The following WFS1 variants were observed in gnomAD, a reference collection of about 807,000 sequenced individuals.
WFS1 encodes the protein wolframin.
Under a neutral mutation model 68.5 loss-of-function variants are expected in WFS1, and 90 were observed. The ratio of observed to expected loss-of-function variants is 1.31; its 90% CI spans 1.11 to 1.56. The LOEUF is 1.56. Ranked by LOEUF, WFS1 falls within the 40% of genes most tolerant of loss-of-function variation. WFS1 has a pLI of 0.00. For synonymous variants in WFS1, 860 were observed against 540.7 expected, an observed-to-expected ratio of 1.59 and a Z score of -8.19; for missense variants, 1,767 against 1,232.6, an observed-to-expected ratio of 1.43 and a Z score of -6.49.
intron 2 of WFS1, among the ~76,000 whole-genome samples, chr4:6,280,833 G>T (rs1730140620): frequency 6.6e-6 from 1 of 152,184 alleles, no homozygotes; most frequent in African/African-American, 2.4e-5. Flanking sequence ...GTAGGACAAG[G>T]CCTGGGGTTG....
chr4:6,294,960 G>A (rs773845228), intron 6 of WFS1, 81 bp from the exon 7 acceptor site: 101 of 1,606,214 alleles, frequency 6.3e-5, no homozygotes, highest in African/African-American at 2.3e-4. Context: ...CCACGCCACC[G>A]TCCCCAGCCC....
chr4:6,286,998 G>A lies in WFS1; in HGVS notation c.233-95G>A, dbSNP rs575553279. The A allele has an allele frequency of 3.7e-5, 40 of 1,081,824 alleles. No homozygotes were observed. In the African/African-American group the frequency reaches 5.0e-4, roughly 14 times the overall value. The allele number at this position is 1,081,824 out of a possible 1,614,324, so 67.0% of individuals were successfully genotyped here. A position where few individuals can be genotyped will look rare whatever the true frequency, so the allele number is the denominator to read the frequency against. On this transcript the variant is annotated intron_variant, in intron 2 of 7. Coordinates refer to ENST00000226760, the MANE Select transcript of WFS1 (RefSeq NM_006005.3). ...CTGGATTTGAAAGTGACAAGCAGCAGCAGATCTGAAGACCCTCATGCCTTG... is the reference window on the plus strand; with the variant it reads ...CTGGATTTGAAAGTGACAAGCAGCAACAGATCTGAAGACCCTCATGCCTTG...
At chr4:6,273,129 C>G (rs1427267324) in intron 1 of WFS1, among the ~76,000 whole-genome samples, 1 of 152,210 alleles carries the variant, frequency 6.6e-6, no homozygotes, top group Admixed American at 6.5e-5. Context: ...GGGGTTGCCC[C>G]CCCAGAGAGA....
chr4:6,294,560 C>T (rs774759320), intron 6 of WFS1, among the ~76,000 whole-genome samples: 27 of 152,022 alleles, frequency 1.8e-4, no homozygotes, highest in Admixed American at 1.2e-3. Flanking sequence ...GGGTGGATCA[C>T]GTTGAATGGA....
chr4:6,285,222 C>T (rs1238444167), intron 2 of WFS1, among the ~76,000 whole-genome samples: 2 of 151,350 alleles, frequency 1.3e-5, no homozygotes, highest in Non-Finnish European at 3.0e-5. Flanking sequence ...GGAAGAGGGG[C>T]ATTCAGGGAG....
At chr4:6,294,983 G>A (rs766061389) in intron 6 of WFS1, 58 bp from the exon 7 acceptor site, 3 of 1,612,000 alleles carry the variant, frequency 1.9e-6, no homozygotes, top group Admixed American at 3.3e-5. Flanking sequence ...TGCTCTGTGT[G>A]AGGGTGGCAG....
intron 6 of WFS1, 128 bp downstream of exon 6, chr4:6,292,125 G>A (rs1009749573): frequency 2.1e-6 from 2 of 972,276 alleles, no homozygotes; most frequent in Non-Finnish European, 1.6e-6. Context: ...TGCGCCTGCA[G>A]GGCGACCTCT....
rs574459169 is a variant in WFS1 at position 6,287,154 on chromosome 4, G to C, written c.294G>C (p.Gly98=). 1 of 1,560,422 alleles carries C rather than the reference G, an allele frequency of 6.4e-7. No homozygotes were observed. The change falls in exon 3 of 8, where the codon GGG becomes GGC. Residue 98 remains glycine, a synonymous_variant. Transcript: ENST00000226760. The surrounding 1 kb of genome is among the most constrained non-coding windows in gnomAD (Gnocchi z 6.4). ...AAGTCCTGGAGAGGGCCAAGGCCGG[G>C]GACCCCAAGGCACAGACTGAGGTGA... is the stretch of plus-strand genomic sequence containing the variant. The part of the protein sequence containing the change: ...FEEVLERAKA[G]DPKAQTEVGK...
intron 1 of WFS1, among the ~76,000 whole-genome samples, chr4:6,275,704 G>A (rs1300419994): frequency 1.3e-5 from 2 of 152,178 alleles, no homozygotes; most frequent in Admixed American, 6.5e-5. Context: ...GAAATCTGCA[G>A]AGTTCTTGAG....
At chr4:6,285,991 G>A (rs1163722707) in intron 2 of WFS1, among the ~76,000 whole-genome samples, 1 of 152,216 alleles carries the variant, frequency 6.6e-6, no homozygotes, top group African/African-American at 2.4e-5. Context: ...GAGAACCTGT[G>A]CTAGGAAAAT....
At chr4:6,288,216 CA>C (rs5855906) in intron 3 of WFS1, among the ~76,000 whole-genome samples, 4,366 of 131,060 alleles carry the variant, frequency 0.033, 140 homozygotes, top group African/African-American at 0.092. Flanking sequence ...GACTCTGTCT[CA>C]AAAAAAAAAA....
At chr4:6,276,845 G>A (rs1730009128) in intron 1 of WFS1, among the ~76,000 whole-genome samples, 1 of 152,218 alleles carries the variant, frequency 6.6e-6, no homozygotes, top group African/African-American at 2.4e-5. Context: ...CCTCGCCTCT[G>A]TCCAGCTTCT....
At chr4:6,275,885 G>A (rs1729979702) in intron 1 of WFS1, among the ~76,000 whole-genome samples, 1 of 152,208 alleles carries the variant, frequency 6.6e-6, no homozygotes, top group Non-Finnish European at 1.5e-5. Context: ...GTGTTCAGAG[G>A]TGGCCAGGGG....
At chr4:6,276,412 C>G (rs111823345) in intron 1 of WFS1, among the ~76,000 whole-genome samples, 1 of 152,166 alleles carries the variant, frequency 6.6e-6, no homozygotes, top group African/African-American at 2.4e-5. Flanking sequence ...ACACGGGTCA[C>G]GGGATCTCTG....
chr4:6,293,438 G>A lies in WFS1; in HGVS notation c.712+1441G>A, dbSNP rs191306086. On this transcript the variant is annotated intron_variant, in intron 6 of 7. Transcript: ENST00000226760. ...TCCAACAGAACTCCCAGAAAGGGGC[G>A]TCTGTCATCCCCTTCTCTCGTCCTC... is the stretch of plus-strand genomic sequence containing the variant. 5.3e-5 allele frequency among the ~76,000 whole-genome samples: 8 copies of A among 152,296 alleles called. No homozygotes were observed. In the East Asian group the frequency reaches 5.8e-4, roughly 11 times the overall value.
At position 6,301,401 on chromosome 4, in the gene WFS1, G is replaced by A; in HGVS notation, c.1606G>A (p.Val536Met). ...CTACTGCTACCTTGTGCCCTACCTG[G>A]TGTGCTTCATGTGGTGTGAGCTCTC... ...GTYCYLVPYLVCFMWCELSVV... is the reference protein window; with the variant it reads ...GTYCYLVPYLMCFMWCELSVV... The change falls in exon 8 of 8, where the codon GTG becomes ATG. Residue 536 changes from valine to methionine, a missense_variant. Val to Met is a conservative substitution (Grantham distance 21). Coordinates refer to ENST00000226760, the MANE Select transcript of WFS1 (RefSeq NM_006005.3). 1 of 1,612,546 alleles carries A rather than the reference G, an allele frequency of 6.2e-7. No individual in the cohort carries two copies. The highest frequency in any genetic ancestry group is 8.5e-7 in the Non-Finnish European group (1 of 1,180,018).
intron 6 of WFS1, among the ~76,000 whole-genome samples, chr4:6,294,132 C>T (rs1002771889): frequency 5.3e-5 from 8 of 152,190 alleles, no homozygotes; most frequent in Non-Finnish European, 1.2e-4. Flanking sequence ...CTGCCTCCTC[C>T]CTAGGGTTTC....
intron 7 of WFS1, among the ~76,000 whole-genome samples, chr4:6,299,975 G>C (rs531290042): frequency 6.7e-6 from 1 of 149,558 alleles, no homozygotes; most frequent in Non-Finnish European, 1.5e-5. Flanking sequence ...GTGTGTGCAC[G>C]TGTGTGTACG....
In WFS1 at chr4:6,287,041, A is replaced by G; in HGVS notation, c.233-52A>G. 6.7e-7 allele frequency: 1 copy of G among 1,493,918 alleles called. No individual in the cohort carries two copies. The highest frequency in any genetic ancestry group is 1.2e-5 in the South Asian group (1 of 82,878). 92.5% of individuals were successfully genotyped at this position (1,493,918 alleles called of 1,614,324 possible). ...ATGCCTTGTCCCCTCCATCCTGACA[A>G]GTGACAAAGTCTGGCTTTGTGACAT... is the stretch of plus-strand genomic sequence containing the variant. On this transcript the variant is annotated intron_variant, in intron 2 of 7. Transcript: ENST00000226760. The surrounding 1 kb of genome is among the most constrained non-coding windows in gnomAD (Gnocchi z 6.4).
Sources: allele counts gnomAD v4.1 joint callset (sites outside exome capture counted in the v4.1 genomes callset), GRCh38; gene constraint gnomAD v4.1.1; non-coding constraint Gnocchi (gnomAD v3.1); transcripts MANE v1.5; gene names NCBI Gene and HGNC (gene_info 2026-07-23, HGNC 2026-07-21).